ATP2B3: variants seen among roughly 807,000 people sequenced by gnomAD.
The protein encoded by ATP2B3 is plasma membrane calcium-transporting ATPase 3.
A neutral mutation model predicts 70.8 loss-of-function variants in ATP2B3; 12 were observed. That is an observed-to-expected ratio of 0.17 (90% confidence interval 0.11 to 0.27). ATP2B3 has a LOEUF of 0.27. Ranked by LOEUF, ATP2B3 falls within the 10% of genes least tolerant of loss-of-function variation. The pLI is 1.00. For missense variants in ATP2B3, 858 were observed against 1,118.5 expected (o/e 0.77, Z 3.32); for synonymous variants, 460 against 497.8 (o/e 0.92, Z 1.01).
At chrX:153,526,976 A>G (rs2090042394) in intron 2 of ATP2B3, among the ~76,000 whole-genome samples, 1 of 112,304 alleles carries the variant, frequency 8.9e-6, no homozygotes, top group Non-Finnish European at 1.9e-5. Flanking sequence ...CTCGTTCCCT[A>G]GGAGGACACG....
intron 21 of ATP2B3, among the ~76,000 whole-genome samples, chrX:153,579,633 C>T (rs1217198836): frequency 8.9e-6 from 1 of 112,196 alleles, no homozygotes; most frequent in Admixed American, 9.4e-5. Flanking sequence ...GAGCCTAGTG[C>T]AGCACTCTCA....
intron 13 of ATP2B3, among the ~76,000 whole-genome samples, chrX:153,555,654 C>T (rs1439509820): frequency 1.8e-5 from 2 of 112,323 alleles, no homozygotes; most frequent in African/African-American, 6.5e-5. Flanking sequence ...GCAGGCTGTT[C>T]GCTTTCCACT....
Position 153,579,975 on chromosome X carries a change from C to T in ATP2B3, c.3343-3C>T. ...CGCCCTGTCCCTCCACCTCCCACTC[C>T]AGATCCGGGTGGTGAAAGCGTTCCG... is the stretch of plus-strand genomic sequence containing the variant. On this transcript the variant is annotated splice_region_variant and splice_polypyrimidine_tract_variant and intron_variant, in intron 21 of 21. Transcript: ENST00000263519. The T allele has an allele frequency of 8.3e-7, 1 of 1,201,007 alleles. No homozygotes were observed. Among genetic ancestry groups the T allele is most frequent in the Non-Finnish European group, 1.1e-6 (1 of 887,066 alleles).
chrX:153,522,768 C>T (rs969790367), intron 2 of ATP2B3, among the ~76,000 whole-genome samples: 5 of 112,172 alleles, frequency 4.5e-5, no homozygotes, highest in Non-Finnish European at 9.4e-5. Context: ...CTCGTGCTGA[C>T]TCCAGTGGTC....
intron 2 of ATP2B3, among the ~76,000 whole-genome samples, chrX:153,533,386 G>A (rs782806362): frequency 1.8e-5 from 2 of 112,091 alleles, no homozygotes; most frequent in South Asian, 7.4e-4. Flanking sequence ...TCAGCAGGTG[G>A]AGCTGGAACA....
At chrX:153,554,501 G>A (rs1023695845) in intron 13 of ATP2B3, among the ~76,000 whole-genome samples, 1 of 112,828 alleles carries the variant, frequency 8.9e-6, no homozygotes, top group Non-Finnish European at 1.9e-5. Flanking sequence ...AGACCACAGT[G>A]ACAGGGCCAG....
intron 21 of ATP2B3, among the ~76,000 whole-genome samples, chrX:153,577,606 C>T (rs1211611139): frequency 8.9e-6 from 1 of 112,064 alleles, no homozygotes; most frequent in African/African-American, 3.2e-5. Flanking sequence ...TCAAATTATT[C>T]TCAATTTCTG....
chrX:153,562,541 C>T (rs1015031372), intron 20 of ATP2B3, among the ~76,000 whole-genome samples: 1 of 112,149 alleles, frequency 8.9e-6, no homozygotes, highest in Admixed American at 9.4e-5. Flanking sequence ...TGGGAAATCC[C>T]CACATATTTT....
intron 3 of ATP2B3, among the ~76,000 whole-genome samples, chrX:153,536,890 G>A (rs781998226): frequency 8.9e-6 from 1 of 112,244 alleles, no homozygotes; most frequent in Non-Finnish European, 1.9e-5. Flanking sequence ...TCGGAGTTTC[G>A]GGTGACCGGG....
At chrX:153,564,579 G>A (rs1462877162) in intron 20 of ATP2B3, among the ~76,000 whole-genome samples, 3 of 113,016 alleles carry the variant, frequency 2.7e-5, no homozygotes, top group African/African-American at 9.6e-5. Flanking sequence ...TGGAGGATCC[G>A]CTTATCTCTG....
chrX:153,525,290 A>G (rs1290336903), intron 2 of ATP2B3, among the ~76,000 whole-genome samples: 1 of 112,367 alleles, frequency 8.9e-6, no homozygotes, highest in Non-Finnish European at 1.9e-5. Flanking sequence ...GTTAAGGCGC[A>G]TGGAGTGGCC....
intron 2 of ATP2B3, among the ~76,000 whole-genome samples, chrX:153,521,621 C>G (rs186460309): frequency 8.9e-6 from 1 of 111,993 alleles, no homozygotes; most frequent in African/African-American, 3.2e-5. Context: ...TAAAGGGGTC[C>G]TGAGCCAGCC....
chrX:153,578,423 C>T (rs1415371451), intron 21 of ATP2B3, among the ~76,000 whole-genome samples: 1 of 112,997 alleles, frequency 8.8e-6, no homozygotes, highest in Non-Finnish European at 1.9e-5. Context: ...TGTGCTGACA[C>T]TGGCCTGTGC....
At chrX:153,518,651 C>A (rs1446028752) in intron 2 of ATP2B3, among the ~76,000 whole-genome samples, 100 bp downstream of exon 2, 1 of 110,353 alleles carries the variant, frequency 9.1e-6, no homozygotes, top group Non-Finnish European at 1.9e-5. Context: ...CTCAGCCAGC[C>A]GGCTGAGGAG....
rs1024085331 is a variant in ATP2B3, at chrX:153,537,934, G to C, written c.208+1479G>C. Among the ~76,000 whole-genome samples, 9 of 112,830 alleles carry C rather than the reference G, an allele frequency of 8.0e-5. No individual in the cohort carries two copies. In the Admixed American group the frequency reaches 8.3e-4, roughly 10 times the overall value. On this transcript the variant is annotated intron_variant, in intron 3 of 21. Transcript: ENST00000263519. ...GCGTGCCTGTGGAGGCAGGGGCACG[G>C]AGAAGGGCAGGTGCACAGGTGGGTG... is the stretch of plus-strand genomic sequence containing the variant.
chrX:153,536,608 T>C (rs2090195193), intron 3 of ATP2B3, among the ~76,000 whole-genome samples, 153 bp downstream of exon 3: 1 of 111,953 alleles, frequency 8.9e-6, no homozygotes, highest in African/African-American at 3.3e-5. Flanking sequence ...ATGCCCTGGG[T>C]AACCTGACCT....
At chrX:153,546,813 C>T (rs923930646) in intron 8 of ATP2B3, among the ~76,000 whole-genome samples, 1 of 113,029 alleles carries the variant, frequency 8.8e-6, no homozygotes. Flanking sequence ...ACCCAGGCAA[C>T]GCCCTGTGCG....
rs1355840064 is a variant in ATP2B3, at chrX:153,569,582, A to G, written c.3342+4479A>G. 6 of 1,209,675 alleles carry G rather than the reference A, an allele frequency of 5.0e-6. No homozygotes were observed. In the East Asian group the frequency reaches 1.5e-4, roughly 30 times the overall value. ...TGGACAACAGTGCAAGCCAAACTTTATCTCATTTTCTCTCCCACAGATGGA... is the reference window on the plus strand; with the variant it reads ...TGGACAACAGTGCAAGCCAAACTTTGTCTCATTTTCTCTCCCACAGATGGA... On this transcript the variant is annotated intron_variant, in intron 21 of 21. Coordinates refer to ENST00000263519, the MANE Select transcript of ATP2B3 (RefSeq NM_001001344.3).
At chrX:153,570,050 G>A in intron 21 of ATP2B3, 1 of 384,725 alleles carries the variant, frequency 2.6e-6, no homozygotes, top group East Asian at 4.3e-5. Context: ...TCTTGAACTT[G>A]TCTGCCTTTG....
Sources: allele counts gnomAD v4.1 joint callset (sites outside exome capture counted in the v4.1 genomes callset), GRCh38; gene constraint gnomAD v4.1.1; transcripts MANE v1.5; gene names NCBI Gene and HGNC (gene_info 2026-07-23, HGNC 2026-07-21).